NAV2: variants seen among roughly 807,000 people sequenced by gnomAD.
NAV2 encodes the protein neuron navigator 2, also known as helicase, APC down-regulated 1.
Under a neutral mutation model 223.2 loss-of-function variants are expected in NAV2, and 54 were observed. The ratio of observed to expected loss-of-function variants is 0.24; its 90% CI spans 0.19 to 0.30. NAV2 has a LOEUF of 0.30. Among genes scored for constraint, NAV2 ranks in the 10% least tolerant of loss-of-function variants. NAV2 has a pLI of 1.00. For missense variants in NAV2, 2,806 were observed against 3,147.5 expected, an observed-to-expected ratio of 0.89 and a Z score of 2.60; for synonymous variants, 1,279 against 1,239.3, an observed-to-expected ratio of 1.03 and a Z score of -0.67.
intron 4 of NAV2, among the ~76,000 whole-genome samples, chr11:19,875,803 C>T (rs185425378): frequency 6.6e-6 from 1 of 152,234 alleles, no homozygotes; most frequent in Admixed American, 6.5e-5. Flanking sequence ...TGAGTTTTCT[C>T]TAATGTTAGA....
rs774718453 is a variant in NAV2, at chr11:19,933,948, A to C, written c.1704A>C (p.Gly568=). 1 of 1,597,082 alleles carries C rather than the reference A, an allele frequency of 6.3e-7. No homozygotes were observed. The highest frequency in any genetic ancestry group is 2.2e-5 in the East Asian group (1 of 44,800). The part of the protein sequence containing the change: ...APSHSGIPKP[G]MKSMPGKSPS... ...CCCACAGTGGAATACCAAAACCAGG[A>C]ATGAAAAGCATGCCCGGGAAATCCC... Residue 568 remains glycine (G), a synonymous_variant, in exon 7 of 38, where the codon GGA becomes GGC. Coordinates refer to ENST00000349880, the MANE Select transcript of NAV2 (RefSeq NM_145117.5). The surrounding 1 kb of genome is among the most constrained non-coding windows in gnomAD (Gnocchi z 4.3).
At chr11:19,594,640 A>G (rs565557149) in intron 1 of NAV2, among the ~76,000 whole-genome samples, 13 of 152,168 alleles carry the variant, frequency 8.5e-5, no homozygotes, top group Admixed American at 2.0e-4. Context: ...AATGGGAGTG[A>G]CCACAGTAGC....
chr11:19,826,792 T>C (rs1032094153), intron 1 of NAV2, among the ~76,000 whole-genome samples: 5 of 152,210 alleles, frequency 3.3e-5, no homozygotes, highest in Non-Finnish European at 7.3e-5. Context: ...GAGATTCTGA[T>C]TGGAGGATTT....
At chr11:19,874,088 C>T (rs2062700287) in intron 4 of NAV2, among the ~76,000 whole-genome samples, 1 of 152,192 alleles carries the variant, frequency 6.6e-6, no homozygotes, top group African/African-American at 2.4e-5. Flanking sequence ...TAGATTATTT[C>T]AGCACTTGTG....
intron 10 of NAV2, among the ~76,000 whole-genome samples, chr11:19,966,208 C>T (rs1402855312): frequency 6.6e-6 from 1 of 152,184 alleles, no homozygotes; most frequent in Non-Finnish European, 1.5e-5. Flanking sequence ...GGGAGGATGG[C>T]AAGGTCACCT....
At chr11:19,578,867 T>G (rs1380363292) in intron 1 of NAV2, among the ~76,000 whole-genome samples, 1 of 152,096 alleles carries the variant, frequency 6.6e-6, no homozygotes, top group Admixed American at 6.5e-5. Flanking sequence ...GTTTGCTACC[T>G]TTGGTCTAAG....
At chr11:19,749,666 A>G (rs1488965607) in intron 1 of NAV2, among the ~76,000 whole-genome samples, 1 of 152,206 alleles carries the variant, frequency 6.6e-6, no homozygotes, top group Admixed American at 6.5e-5. Flanking sequence ...AGGGCTGTGA[A>G]TTCTCAGGCT....
At chr11:19,747,792 C>A (rs890202573) in intron 1 of NAV2, among the ~76,000 whole-genome samples, 1 of 152,150 alleles carries the variant, frequency 6.6e-6, no homozygotes, top group Non-Finnish European at 1.5e-5. Context: ...TAATGCTTTC[C>A]CTTGGCAGTT....
intron 1 of NAV2, among the ~76,000 whole-genome samples, chr11:19,773,557 C>T (rs2055888340): frequency 6.6e-6 from 1 of 152,100 alleles, no homozygotes; most frequent in African/African-American, 2.4e-5. Context: ...TCCATGTGGT[C>T]AACACAGACT....
chr11:19,549,748 C>CGTAGAGG (rs1444793336), intron 1 of NAV2, among the ~76,000 whole-genome samples: 1 of 152,218 alleles, frequency 6.6e-6, no homozygotes, highest in African/African-American at 2.4e-5. Flanking sequence ...CGTGATACAG[C>CGTAGAGG]GTAGAGGCCC....
At chr11:19,416,984 A>G (rs1370185770) in intron 1 of NAV2, among the ~76,000 whole-genome samples, 2 of 152,286 alleles carry the variant, frequency 1.3e-5, no homozygotes, top group Non-Finnish European at 1.5e-5. Flanking sequence ...ATCTAAAACC[A>G]TAAAAACTCT....
At chr11:20,109,065 G>A (rs1185800566) in intron 36 of NAV2, among the ~76,000 whole-genome samples, 1 of 151,152 alleles carries the variant, frequency 6.6e-6, no homozygotes, top group Non-Finnish European at 1.5e-5. Flanking sequence ...TGTGACAAAT[G>A]CAAGTTAATG....
intron 1 of NAV2, among the ~76,000 whole-genome samples, chr11:19,360,235 G>T (rs1853854616): frequency 6.6e-6 from 1 of 152,288 alleles, no homozygotes; most frequent in Non-Finnish European, 1.5e-5. Context: ...CCACCCTTGA[G>T]ACCTGATCAA....
chr11:19,584,731 G>A (rs1440898605), intron 1 of NAV2, among the ~76,000 whole-genome samples: 2 of 152,212 alleles, frequency 1.3e-5, no homozygotes, highest in East Asian at 3.8e-4. Context: ...TGATTGCACT[G>A]TGGTCTGAGA....
chr11:19,497,219 C>T (rs559470234), intron 1 of NAV2, among the ~76,000 whole-genome samples: 9 of 152,328 alleles, frequency 5.9e-5, no homozygotes, highest in African/African-American at 2.2e-4. Context: ...TAATGACAGT[C>T]TCTGCCTCAC....
At chr11:19,441,087 C>T (rs960315314) in intron 1 of NAV2, among the ~76,000 whole-genome samples, 1 of 152,056 alleles carries the variant, frequency 6.6e-6, no homozygotes, top group African/African-American at 2.4e-5. Flanking sequence ...GCCCAGGAAG[C>T]CTTTATTGAG....
At chr11:19,728,898 G>A (rs188343344) in intron 1 of NAV2, among the ~76,000 whole-genome samples, 126 of 152,262 alleles carry the variant, frequency 8.3e-4, no homozygotes, top group Non-Finnish European at 1.6e-3. Context: ...GTTATTAATA[G>A]CAAGGAACGT....
chr11:19,448,724 T>C (rs1851678578), intron 1 of NAV2, among the ~76,000 whole-genome samples: 2 of 152,252 alleles, frequency 1.3e-5, no homozygotes, highest in South Asian at 2.1e-4. Context: ...GAGCATTGAA[T>C]GCAATGATAT....
At chr11:19,401,374 T>C (rs1444760840) in intron 1 of NAV2, among the ~76,000 whole-genome samples, 1 of 152,176 alleles carries the variant, frequency 6.6e-6, no homozygotes, top group Non-Finnish European at 1.5e-5. Context: ...CCCTGTAAAA[T>C]GAAATTGTCT....
Sources: gnomAD v4.1 joint callset for allele counts (sites outside exome capture counted in the v4.1 genomes callset) on GRCh38, gnomAD v4.1.1 for gene constraint, Gnocchi (gnomAD v3.1) non-coding constraint, MANE v1.5 for transcripts, NCBI Gene and HGNC (gene_info 2026-07-23, HGNC 2026-07-21) for gene names.